GNA15: variants seen among roughly 807,000 people sequenced by gnomAD.
GNA15 encodes the protein G protein subunit alpha 15.
Under a neutral mutation model 40.1 loss-of-function variants are expected in GNA15, and 23 were observed. That is an observed-to-expected ratio of 0.57 (90% CI 0.41 to 0.81). The LOEUF (loss-of-function observed/expected upper bound fraction) is 0.81. Among genes scored for constraint, GNA15 ranks in the 40% least tolerant of loss-of-function variants. GNA15 has a pLI of 0.00. For missense variants in GNA15, 522 were observed against 515.8 expected (o/e 1.01, Z -0.12); for synonymous variants, 226 against 210.4 (o/e 1.07, Z -0.64).
At position 3,136,803 on chromosome 19, in the gene GNA15, G is replaced by T. The variant is rs549281796; in HGVS notation, c.145+208G>T. 1.1e-4 allele frequency among the ~76,000 whole-genome samples: 16 copies of T among 152,378 alleles called. No individual in the cohort carries two copies. The highest frequency in any genetic ancestry group is 3.8e-4 in the African/African-American group (16 of 41,594). On this transcript the variant is annotated intron_variant, in intron 1 of 6. Transcript: ENST00000262958. This position sits in a 1 kb window ranked among gnomAD's most constrained non-coding sequence, Gnocchi z 4.9. The stretch of plus-strand genomic sequence containing the variant: ...AAGCCAAGTTCCTTGTCCAACGTGC[G>T]ACCAGCGGCCAGGTGCCCAGGCCTG...
intron 4 of GNA15, among the ~76,000 whole-genome samples, chr19:3,154,187 GAAT>G (rs1914950377): frequency 1.4e-5 from 2 of 147,266 alleles, no homozygotes; most frequent in Non-Finnish European, 3.0e-5. Flanking sequence ...ATGGATGGAT[GAAT>G]GGGTGGATGG....
In GNA15 at chr19:3,150,195, C is replaced by G; in HGVS notation, c.395C>G (p.Ala132Gly). ...YKVTTFEKRY[A>G]AAMQWLWRDA... ...GTGACCACGTTTGAGAAGCGCTACGCTGCGGCCATGCAGTGGCTGTGGAGG... is the reference window on the plus strand; with the variant it reads ...GTGACCACGTTTGAGAAGCGCTACGGTGCGGCCATGCAGTGGCTGTGGAGG... The change falls in exon 3 of 7, where the codon GCT becomes GGT. Residue 132 changes from alanine (A) to glycine (G), a missense_variant. Coordinates refer to ENST00000262958, the MANE Select transcript of GNA15 (RefSeq NM_002068.4). 6.2e-7 allele frequency: 1 copy of G among 1,613,226 alleles called. No individual in the cohort carries two copies. The highest frequency in any genetic ancestry group is 8.5e-7 in the Non-Finnish European group (1 of 1,179,714).
chr19:3,143,997 G>A lies in GNA15; in HGVS notation c.146-4594G>A, dbSNP rs940621509. On this transcript the variant is annotated intron_variant, in intron 1 of 6. Coordinates refer to ENST00000262958, the MANE Select transcript of GNA15 (RefSeq NM_002068.4). ...AAATTAGCTGGGCATGGTGGTGGGCGCCTGTCGTCCCAGCTGCTTGGGAGG... is the reference window on the plus strand; with the variant it reads ...AAATTAGCTGGGCATGGTGGTGGGCACCTGTCGTCCCAGCTGCTTGGGAGG... Among the ~76,000 whole-genome samples the A allele has an allele frequency of 6.6e-5, 10 of 152,012 alleles. No homozygotes were observed. In the East Asian group the frequency reaches 1.6e-3, roughly 24 times the overall value.
chr19:3,145,922 C>T (rs150784976), intron 1 of GNA15, among the ~76,000 whole-genome samples: 291 of 152,040 alleles, frequency 1.9e-3, no homozygotes, highest in African/African-American at 6.4e-3. Context: ...AGAGTCGAGG[C>T]GGCCACCCCC....
chr19:3,142,336 G>C (rs1302685725), intron 1 of GNA15: 1 of 152,106 alleles, frequency 6.6e-6, no homozygotes, highest in Non-Finnish European at 1.5e-5. Flanking sequence ...TTGCAAAGAG[G>C]GGGTTCTCAC....
intron 2 of GNA15, 84 bp downstream of exon 2, chr19:3,148,859 C>T: frequency 7.2e-7 from 1 of 1,383,622 alleles, no homozygotes; most frequent in Non-Finnish European, 9.7e-7. Context: ...GGCCAAGTTC[C>T]CCAGACTTCA....
At chr19:3,145,359 A>ATATATTTTT in intron 1 of GNA15, among the ~76,000 whole-genome samples, 53 of 46,958 alleles carry the variant, frequency 1.1e-3, no homozygotes, top group African/African-American at 3.0e-3. Context: ...ATATATATAT[A>ATATATTTTT]TTTTTTTTTT....
intron 1 of GNA15, among the ~76,000 whole-genome samples, chr19:3,139,847 A>G (rs1405436163): frequency 1.3e-5 from 2 of 151,612 alleles, no homozygotes; most frequent in Non-Finnish European, 2.9e-5. Flanking sequence ...CATCCTGGCT[A>G]ATGTGGTGAA....
At chr19:3,144,698 T>G (rs558047241) in intron 1 of GNA15, among the ~76,000 whole-genome samples, 37 of 150,592 alleles carry the variant, frequency 2.5e-4, no homozygotes, top group African/African-American at 9.1e-4. Flanking sequence ...CCGGTTAATT[T>G]TTTGTATTTT....
Position 3,136,403 on chromosome 19 carries a change from A to G in GNA15, c.-48A>G, listed in dbSNP as rs1306189338. 1.3e-6 allele frequency: 2 copies of G among 1,533,722 alleles called. No homozygotes were observed. The highest frequency in any genetic ancestry group is 2.3e-4 in the Middle Eastern group (1 of 4,288). ...TGGGCTGGGGGTTGCCCTGGCCAGCAGGGGCCCGGGGGCGATGCCACCCGG... is the reference window on the plus strand; with the variant it reads ...TGGGCTGGGGGTTGCCCTGGCCAGCGGGGGCCCGGGGGCGATGCCACCCGG... On this transcript the variant is annotated 5_prime_UTR_variant, in exon 1 of 7. Coordinates refer to ENST00000262958, the MANE Select transcript of GNA15 (RefSeq NM_002068.4). This position sits in a 1 kb window ranked among gnomAD's most constrained non-coding sequence, Gnocchi z 4.9.
chr19:3,138,942 T>A (rs1395464555), intron 1 of GNA15, among the ~76,000 whole-genome samples: 5 of 136,432 alleles, frequency 3.7e-5, no homozygotes, highest in African/African-American at 5.5e-5. Flanking sequence ...CCAGCCTCTT[T>A]TTTTTTTTTT....
chr19:3,149,129 A>G (rs1230506642), intron 2 of GNA15: 1 of 249,568 alleles, frequency 4.0e-6, no homozygotes, highest in African/African-American at 2.2e-5. Flanking sequence ...ACACGTGTGC[A>G]CACACACAAA....
chr19:3,142,729 G>T (rs1032594574), intron 1 of GNA15, among the ~76,000 whole-genome samples: 1 of 152,056 alleles, frequency 6.6e-6, no homozygotes, highest in South Asian at 2.1e-4. Context: ...AAAATTAGCC[G>T]GGTGTGGTGG....
In GNA15 at chr19:3,136,896, C is replaced by T. The variant is rs76225563; in HGVS notation, c.145+301C>T. ...GGGCCCCTGCCGGGCAGGCCCAGCA[C>T]GCCCTACCTGTCTGTGTCATGGCGA... On this transcript the variant is annotated intron_variant, in intron 1 of 6. Coordinates refer to ENST00000262958, the MANE Select transcript of GNA15 (RefSeq NM_002068.4). This position sits in a 1 kb window ranked among gnomAD's most constrained non-coding sequence, Gnocchi z 4.9. Among the ~76,000 whole-genome samples the T allele has an allele frequency of 0.023, 3,538 of 152,312 alleles. 131 individuals carry two copies. Among genetic ancestry groups the T allele is most frequent in the African/African-American group, 0.08 (3,323 of 41,552 alleles).
chr19:3,145,138 C>A (rs1040510145), intron 1 of GNA15, among the ~76,000 whole-genome samples: 1 of 151,200 alleles, frequency 6.6e-6, no homozygotes, highest in African/African-American at 2.4e-5. Context: ...CAGGCATGAG[C>A]CACTGCGCCC....
intron 6 of GNA15, among the ~76,000 whole-genome samples, chr19:3,158,855 C>T (rs1004883377): frequency 1.2e-4 from 18 of 151,804 alleles, no homozygotes; most frequent in African/African-American, 3.6e-4. Flanking sequence ...AGGCTGGTCT[C>T]GAACTGACCT....
chr19:3,150,268 G>C lies in GNA15; in HGVS notation c.468G>C (p.Leu156=), dbSNP rs753820824. The change falls in exon 3 of 7, where the codon CTG becomes CTC. Residue 156 remains leucine, a synonymous_variant. Coordinates refer to ENST00000262958, the MANE Select transcript of GNA15 (RefSeq NM_002068.4). ...ATGAGCGTCGGCGGGAATTCCACCT[G>C]CTCGATTCAGCCGTGTAGTGAGTCT... ...ACYERRREFH[L]LDSAVYYLSH... 5 of 1,597,520 alleles carry C rather than the reference G, an allele frequency of 3.1e-6. No individual in the cohort carries two copies. Among genetic ancestry groups the C allele is most frequent in the Middle Eastern group, 1.7e-4 (1 of 5,970 alleles).
chr19:3,136,365 C>G lies in GNA15; in HGVS notation c.-86C>G. ...TGCGCACCCGGTTGCCCGGAGCCCTCTCCAGGGCCGGCTGGGCTGGGGGTT... is the reference window on the plus strand; with the variant it reads ...TGCGCACCCGGTTGCCCGGAGCCCTGTCCAGGGCCGGCTGGGCTGGGGGTT... On this transcript the variant is annotated 5_prime_UTR_variant, in exon 1 of 7. Coordinates refer to ENST00000262958, the MANE Select transcript of GNA15 (RefSeq NM_002068.4). This position sits in a 1 kb window ranked among gnomAD's most constrained non-coding sequence, Gnocchi z 4.9. The G allele has an allele frequency of 2.1e-6, 3 of 1,419,372 alleles. No individual in the cohort carries two copies. Among genetic ancestry groups the G allele is most frequent in the Non-Finnish European group, 2.8e-6 (3 of 1,059,736 alleles). The allele number at this position is 1,419,372 out of a possible 1,614,324, so 87.9% of individuals were successfully genotyped here.
chr19:3,160,302 CCT>C (rs1915113934), intron 6 of GNA15, among the ~76,000 whole-genome samples: 1 of 152,118 alleles, frequency 6.6e-6, no homozygotes, highest in Admixed American at 6.6e-5. Flanking sequence ...TCTCTCCTCC[CCT>C]TTCTCCTAGT....
Sources: allele counts gnomAD v4.1 joint callset (sites outside exome capture counted in the v4.1 genomes callset), GRCh38; gene constraint gnomAD v4.1.1; non-coding constraint Gnocchi (gnomAD v3.1); transcripts MANE v1.5; gene names NCBI Gene and HGNC (gene_info 2026-07-23, HGNC 2026-07-21).